The following SIPA1L1 variants were observed in gnomAD, a reference collection of about 807,000 sequenced individuals.
The protein encoded by SIPA1L1 is signal induced proliferation associated 1 like 1, also known as signal-induced proliferation-associated 1-like protein 1.
Under a neutral mutation model 162.7 loss-of-function variants are expected in SIPA1L1, and 26 were observed. That is an observed-to-expected ratio of 0.16 (90% CI 0.12 to 0.22). The LOEUF (loss-of-function observed/expected upper bound fraction) is 0.22. SIPA1L1 is among the 10% of genes least tolerant of loss of function. The pLI is 1.00. For missense variants in SIPA1L1, 1,874 were observed against 2,241.0 expected (o/e 0.84, Z 3.31); for synonymous variants, 829 against 837.4 (o/e 0.99, Z 0.17).
intron 2 of SIPA1L1, among the ~76,000 whole-genome samples, chr14:71,511,033 G>T (rs146911255): frequency 1.4e-4 from 22 of 152,126 alleles, no homozygotes; most frequent in Non-Finnish European, 2.9e-4. Flanking sequence ...GTTAGTTGGG[G>T]ATTATTTCAG....
At chr14:71,505,981 T>G (rs541469277) in intron 2 of SIPA1L1, among the ~76,000 whole-genome samples, 56 of 117,022 alleles carry the variant, frequency 4.8e-4, no homozygotes, top group African/African-American at 1.7e-3. Flanking sequence ...AAAAAAAAAA[T>G]CCCCACGAAA....
At chr14:71,335,274 C>T (rs1477058432) in intron 2 of SIPA1L1, among the ~76,000 whole-genome samples, 4 of 152,260 alleles carry the variant, frequency 2.6e-5, no homozygotes, top group Admixed American at 2.0e-4. Flanking sequence ...TGCACTCTAC[C>T]CTGGGCGACA....
rs186214852 is a variant in SIPA1L1, at chr14:71,539,090, C to A, written c.-303+9720C>A. 3.3e-5 allele frequency among the ~76,000 whole-genome samples: 5 copies of A among 152,200 alleles called. No individual in the cohort carries two copies. In the East Asian group the frequency reaches 9.6e-4, roughly 29 times the overall value. On this transcript the variant is annotated intron_variant, in intron 4 of 23. Transcript: ENST00000381232. ...GTTTTTTCCTCCAAGAGCAGAGAGC[C>A]GCATTGTTTTTCCTGTGACCTTTAT...
At chr14:71,593,414 G>A (rs1170048229) in intron 5 of SIPA1L1, among the ~76,000 whole-genome samples, 4 of 152,112 alleles carry the variant, frequency 2.6e-5, no homozygotes, top group East Asian at 1.9e-4. Context: ...GTTTCACCAC[G>A]TTGGCAAGGC....
intron 2 of SIPA1L1, among the ~76,000 whole-genome samples, chr14:71,372,311 AC>A (rs939856938): frequency 1.3e-5 from 2 of 152,190 alleles, no homozygotes; most frequent in African/African-American, 4.8e-5. Context: ...TCTGAACAAT[AC>A]ATTTAAACAA....
chr14:71,697,569 T>C (rs2081742096), intron 13 of SIPA1L1, among the ~76,000 whole-genome samples: 1 of 152,218 alleles, frequency 6.6e-6, no homozygotes, highest in Admixed American at 6.5e-5. Context: ...TAAAATGTGT[T>C]AGTCTTGAAA....
At chr14:71,508,647 A>G (rs927966269) in intron 2 of SIPA1L1, among the ~76,000 whole-genome samples, 2 of 152,206 alleles carry the variant, frequency 1.3e-5, no homozygotes, top group African/African-American at 2.4e-5. Flanking sequence ...TTCCGAACAA[A>G]TATGTTTTAA....
intron 2 of SIPA1L1, among the ~76,000 whole-genome samples, chr14:71,440,619 A>T (rs1352346850): frequency 2.3e-5 from 3 of 131,178 alleles, no homozygotes; most frequent in Non-Finnish European, 4.7e-5. Context: ...ACTGCACTTC[A>T]GCTTGGGTGA....
At position 71,423,041 on chromosome 14, in the gene SIPA1L1, C is replaced by T. The variant is rs369448168; in HGVS notation, c.-464-89702C>T. 4.0e-4 allele frequency among the ~76,000 whole-genome samples: 61 copies of T among 152,208 alleles called. No homozygotes were observed. The East Asian group carries it at 9.5e-3, about 24-fold the overall frequency. On this transcript the variant is annotated intron_variant, in intron 2 of 23. Transcript: ENST00000381232. The stretch of plus-strand genomic sequence containing the variant: ...TTGTAATGGGTATGAGGTGGCACCT[C>T]GTAATTTTGATTTGTATTTCTCTAA...
At chr14:71,635,392 TGAAGC>T (rs1224639942) in intron 7 of SIPA1L1, among the ~76,000 whole-genome samples, 1 of 152,236 alleles carries the variant, frequency 6.6e-6, no homozygotes, top group Non-Finnish European at 1.5e-5. Flanking sequence ...TTTTGCCATT[TGAAGC>T]AAATGCTATA....
intron 3 of SIPA1L1, among the ~76,000 whole-genome samples, chr14:71,525,798 T>A (rs2052805702): frequency 6.6e-6 from 1 of 152,208 alleles, no homozygotes; most frequent in South Asian, 2.1e-4. Context: ...TCAGTGACCT[T>A]CCAAATTGTG....
intron 2 of SIPA1L1, among the ~76,000 whole-genome samples, chr14:71,351,910 A>G (rs2036751056): frequency 6.6e-6 from 1 of 151,566 alleles, no homozygotes; most frequent in African/African-American, 2.4e-5. Flanking sequence ...ATCTGTGTTC[A>G]TGGAACTCAC....
intron 4 of SIPA1L1, among the ~76,000 whole-genome samples, chr14:71,551,336 C>T (rs1403866504): frequency 8.5e-5 from 13 of 152,174 alleles, no homozygotes; most frequent in Admixed American, 6.5e-4. Flanking sequence ...CCTCTTCTTC[C>T]CAGGCAAACC....
At chr14:71,505,421 CTTTT>C (rs530843410) in intron 2 of SIPA1L1, among the ~76,000 whole-genome samples, 3 of 128,582 alleles carry the variant, frequency 2.3e-5, no homozygotes, top group African/African-American at 5.7e-5. Flanking sequence ...TCTCTTTCTT[CTTTT>C]TTTTTTTTTT....
At chr14:71,700,362 T>TA (rs1391823620) in intron 14 of SIPA1L1, among the ~76,000 whole-genome samples, 2 of 152,190 alleles carry the variant, frequency 1.3e-5, no homozygotes, top group Non-Finnish European at 2.9e-5. Flanking sequence ...GCCTGTCTCT[T>TA]AAAAAATAAA....
chr14:71,730,906 T>C (rs1261459550), intron 20 of SIPA1L1, among the ~76,000 whole-genome samples: 1 of 152,216 alleles, frequency 6.6e-6, no homozygotes, highest in Non-Finnish European at 1.5e-5. Context: ...AGGGCCACTT[T>C]CTGGCACTCG....
At chr14:71,492,475 T>C (rs750538497) in intron 2 of SIPA1L1, among the ~76,000 whole-genome samples, 21 of 152,168 alleles carry the variant, frequency 1.4e-4, no homozygotes, top group Non-Finnish European at 2.2e-4. Context: ...TGTTTAATAG[T>C]GTGGACATCT....
chr14:71,461,422 G>A (rs2046595512), intron 2 of SIPA1L1, among the ~76,000 whole-genome samples: 1 of 152,138 alleles, frequency 6.6e-6, no homozygotes, highest in South Asian at 2.1e-4. Context: ...GGGTGGCTGG[G>A]GAAAGAGGCT....
At chr14:71,547,849 T>C (rs2055389204) in intron 4 of SIPA1L1, among the ~76,000 whole-genome samples, 1 of 152,146 alleles carries the variant, frequency 6.6e-6, no homozygotes, top group Non-Finnish European at 1.5e-5. Flanking sequence ...TTGCTCCATT[T>C]TTGTTTGCCA....
Sources: gnomAD v4.1 joint callset for allele counts (sites outside exome capture counted in the v4.1 genomes callset) on GRCh38, gnomAD v4.1.1 for gene constraint, MANE v1.5 for transcripts, NCBI Gene and HGNC (gene_info 2026-07-23, HGNC 2026-07-21) for gene names.